The following HECTD4 variants were observed in gnomAD, a reference collection of about 807,000 sequenced individuals.
The protein encoded by HECTD4 is HECT domain E3 ubiquitin protein ligase 4.
Under a neutral mutation model 471.5 loss-of-function variants are expected in HECTD4, and 114 were observed. The ratio of observed to expected loss-of-function variants is 0.24; its 90% CI spans 0.21 to 0.28. HECTD4 has a LOEUF of 0.28. Ranked by LOEUF, HECTD4 falls within the 10% of genes least tolerant of loss-of-function variation. HECTD4 has a pLI of 1.00. For synonymous variants in HECTD4, 2,012 were observed against 2,256.0 expected, an observed-to-expected ratio of 0.89 and a Z score of 3.07; for missense variants, 3,866 against 5,651.5, an observed-to-expected ratio of 0.68 and a Z score of 10.13.
intron 1 of HECTD4, among the ~76,000 whole-genome samples, chr12:112,324,295 T>G (rs2035698158): frequency 6.6e-6 from 1 of 150,698 alleles, no homozygotes; most frequent in African/African-American, 2.4e-5. Context: ...TTTTTTGTAT[T>G]TTTTGTAGAG....
intron 13 of HECTD4, among the ~76,000 whole-genome samples, chr12:112,269,094 C>T (rs1358294969): frequency 2.0e-5 from 3 of 151,552 alleles, no homozygotes; most frequent in African/African-American, 7.3e-5. Flanking sequence ...AGGATGGTCT[C>T]GATCTCCTGA....
chr12:112,182,140 T>G lies in HECTD4; in HGVS notation c.10987+919A>C, dbSNP rs181603999. On this transcript the variant is annotated intron_variant, in intron 62 of 75. Transcript: ENST00000682272. Reference sequence around the variant, plus strand: ...TATACTTCAAAAACATAGAACAACATAGCAACTCTAAGATGAAATTTCAAA... The same window carrying G: ...TATACTTCAAAAACATAGAACAACAGAGCAACTCTAAGATGAAATTTCAAA... 2.0e-3 allele frequency among the ~76,000 whole-genome samples: 295 copies of G among 150,980 alleles called. 1 individual carries two copies. The highest frequency in any genetic ancestry group is 3.4e-3 in the Non-Finnish European group (233 of 67,780).
chr12:112,267,934 C>T (rs1226848657), intron 13 of HECTD4, among the ~76,000 whole-genome samples: 4 of 152,206 alleles, frequency 2.6e-5, no homozygotes, highest in African/African-American at 9.7e-5. Flanking sequence ...GATCCTCCCA[C>T]CTCAGTCTCC....
intron 24 of HECTD4, 103 bp downstream of exon 24, chr12:112,250,868 G>A: frequency 9.0e-7 from 1 of 1,111,354 alleles, no homozygotes; most frequent in Non-Finnish European, 1.3e-6. Context: ...AGATTGCCAG[G>A]CAGTAGGCAC....
rs2031588400 is a variant in HECTD4 at position 112,179,573 on chromosome 12, GCCTT to G, written c.10988-180_10988-177del. 6.6e-6 allele frequency among the ~76,000 whole-genome samples: 1 copy of G among 152,250 alleles called. No individual in the cohort carries two copies. Among genetic ancestry groups the G allele is most frequent in the African/African-American group, 2.4e-5 (1 of 41,464 alleles). On this transcript the variant is annotated intron_variant, in intron 62 of 75. Coordinates refer to ENST00000682272, the MANE Select transcript of HECTD4 (RefSeq NM_001388303.1). This position sits in a 1 kb window ranked among gnomAD's most constrained non-coding sequence, Gnocchi z 4.3. ...CTGGGCACAGCCCAGCACATGCCCA[GCCTT>G]CCTTGCCGTAAGGTGCGGCCCTGCA...
rs2033026479 is a variant in HECTD4 at position 112,219,438 on chromosome 12, T to C, written c.7022A>G (p.Tyr2341Cys). Residue 2341 changes from tyrosine (Y) to cysteine (C), a missense_variant, in exon 45 of 76, where the codon TAC (tyrosine) becomes TGC (cysteine). Tyr to Cys is a radical substitution (Grantham distance 194, BLOSUM62 -2). This residue lies in a region of HECTD4 where 617 missense variants were observed against 915.1 expected (regional missense o/e 0.67). Transcript: ENST00000682272. ...EVQCERLRML[Y>C]RDCARPPPPP... is the part of the protein sequence containing the mutation. Reference sequence around the variant, plus strand: ...TGGTGGGGGCCGAGCACAGTCCCGGTAGAGCATCCTCAGCCGTTCACACTG... The same window carrying C: ...TGGTGGGGGCCGAGCACAGTCCCGGCAGAGCATCCTCAGCCGTTCACACTG... 6.2e-7 allele frequency: 1 copy of C among 1,613,848 alleles called. No individual in the cohort carries two copies. The highest frequency in any genetic ancestry group is 8.5e-7 in the Non-Finnish European group (1 of 1,179,830).
At chr12:112,263,480 T>TA (rs1335547458) in intron 17 of HECTD4, among the ~76,000 whole-genome samples, 2 of 152,196 alleles carry the variant, frequency 1.3e-5, no homozygotes, top group East Asian at 3.9e-4. Flanking sequence ...ACCATGGCTA[T>TA]AAAAAAATCT....
intron 49 of HECTD4, among the ~76,000 whole-genome samples, chr12:112,211,029 T>A (rs2032745723): frequency 6.6e-6 from 1 of 152,222 alleles, no homozygotes; most frequent in Non-Finnish European, 1.5e-5. Flanking sequence ...GGCCAGATCC[T>A]ATAGGACCTT....
At chr12:112,202,907 G>A (rs1455680901) in intron 54 of HECTD4, 1 of 152,222 alleles carries the variant, frequency 6.6e-6, no homozygotes, top group Non-Finnish European at 1.5e-5. Context: ...AATTGAGGCT[G>A]AGAGAATCAG....
chr12:112,316,521 C>G (rs1002223966), intron 2 of HECTD4, among the ~76,000 whole-genome samples: 4 of 152,074 alleles, frequency 2.6e-5, no homozygotes, highest in Non-Finnish European at 4.4e-5. Context: ...CAAGAGAATG[C>G]CTTCCGTGCA....
intron 64 of HECTD4, among the ~76,000 whole-genome samples, chr12:112,177,349 A>G (rs111363733): frequency 7.3e-5 from 11 of 150,686 alleles, no homozygotes; most frequent in African/African-American, 2.7e-4. Context: ...ATTTATATGC[A>G]TATCCATACA....
At position 112,185,003 on chromosome 12, in the gene HECTD4, C is replaced by G. The variant is rs562880407; in HGVS notation, c.9963G>C (p.Lys3321Asn). ...KRKKVKMKREKASSSGKRQSS... is the reference protein window; with the variant it reads ...KRKKVKMKRENASSSGKRQSS... Reference sequence around the variant, plus strand: ...ACTGGCGCTTGCCCGACGAGGAGGCCTTTTCCCGCTTCATCTTGACTTTTT... The same window carrying G: ...ACTGGCGCTTGCCCGACGAGGAGGCGTTTTCCCGCTTCATCTTGACTTTTT... Residue 3321 changes from lysine (K) to asparagine (N), a missense_variant, in exon 61 of 76, where the codon AAG becomes AAC. Lys to Asn is a moderately conservative substitution (Grantham distance 94, BLOSUM62 0). Transcript: ENST00000682272. 1 of 1,609,150 alleles carries G rather than the reference C, an allele frequency of 6.2e-7. No individual in the cohort carries two copies. The highest frequency in any genetic ancestry group is 1.3e-5 in the African/African-American group (1 of 74,988).
intron 35 of HECTD4, 29 bp downstream of exon 35, chr12:112,236,916 C>T (rs983801972): frequency 5.3e-6 from 8 of 1,511,946 alleles, no homozygotes; most frequent in African/African-American, 4.2e-5. Flanking sequence ...GCCAGCTTCT[C>T]CCAGAGCTCC....
Position 112,219,367 on chromosome 12 carries a change from A to C in HECTD4, c.7074+19T>G. The stretch of plus-strand genomic sequence containing the variant: ...TGTGTGGAGGCTGCAGGAGGCGCGA[A>C]GCACCGCAGAGGGCTCACCTGTCTT... On this transcript the variant is annotated intron_variant, in intron 45 of 75. Coordinates refer to ENST00000682272, the MANE Select transcript of HECTD4 (RefSeq NM_001388303.1). 2 of 1,592,986 alleles carry C rather than the reference A, an allele frequency of 1.3e-6. No individual in the cohort carries two copies. The highest frequency in any genetic ancestry group is 1.7e-6 in the Non-Finnish European group (2 of 1,162,170).
In HECTD4 at chr12:112,194,417, ACT is replaced by A. The variant is rs2032172875; in HGVS notation, c.8749+466_8749+467del. Reference sequence around the variant, plus strand: ...GAGTCCTGGATAGTGCTGAGGGCAGACTCATCACCTGGCATTCACTGGGGATC... The same window carrying A: ...GAGTCCTGGATAGTGCTGAGGGCAGACATCACCTGGCATTCACTGGGGATC... On this transcript the variant is annotated intron_variant, in intron 56 of 75. Coordinates refer to ENST00000682272, the MANE Select transcript of HECTD4 (RefSeq NM_001388303.1). This position sits in a 1 kb window ranked among gnomAD's most constrained non-coding sequence, Gnocchi z 4.6. 6.6e-6 allele frequency among the ~76,000 whole-genome samples: 1 copy of A among 152,110 alleles called. No individual in the cohort carries two copies. Among genetic ancestry groups the A allele is most frequent in the African/African-American group, 2.4e-5 (1 of 41,404 alleles).
chr12:112,211,988 A>C (rs1185211653), intron 49 of HECTD4, among the ~76,000 whole-genome samples: 1 of 152,216 alleles, frequency 6.6e-6, no homozygotes, highest in African/African-American at 2.4e-5. Context: ...AGCTACCAGC[A>C]TGTAGTAAGT....
Position 112,234,854 on chromosome 12 carries a change from T to C in HECTD4, c.5915+223A>G, listed in dbSNP as rs2033463402. The stretch of plus-strand genomic sequence containing the variant: ...CACTTAGAGAGACAGTACCAAGTTG[T>C]GGTTCAGAGCTTGGGTTCTATGGTC... On this transcript the variant is annotated intron_variant, in intron 37 of 75. Transcript: ENST00000682272. Among the ~76,000 whole-genome samples, 3 of 152,220 alleles carry C rather than the reference T, an allele frequency of 2.0e-5. No homozygotes were observed. In the South Asian group the frequency reaches 6.2e-4, roughly 32 times the overall value.
At chr12:112,167,617 T>C (rs888578812) in intron 71 of HECTD4, 79 bp from the exon 72 acceptor site, 1 of 1,213,956 alleles carries the variant, frequency 8.2e-7, no homozygotes, top group Non-Finnish European at 1.2e-6. Flanking sequence ...CAAGCCACCA[T>C]ACCCTGTGGC....
intron 1 of HECTD4, among the ~76,000 whole-genome samples, chr12:112,355,719 G>A (rs539278801): frequency 3.9e-5 from 6 of 151,922 alleles, no homozygotes; most frequent in South Asian, 2.1e-4. Context: ...AGCGGAGGTC[G>A]CACCACTGCA....
Sources: gnomAD v4.1 joint callset for allele counts (sites outside exome capture counted in the v4.1 genomes callset) on GRCh38, gnomAD v4.1.1 for gene constraint, gnomAD v4.1.1 regional missense constraint, Gnocchi (gnomAD v3.1) non-coding constraint, MANE v1.5 for transcripts, NCBI Gene and HGNC (gene_info 2026-07-23, HGNC 2026-07-21) for gene names.